Variants in CCDC171 observed in about 807,000 individuals in gnomAD.
CCDC171 encodes coiled-coil domain containing 171.
A neutral mutation model predicts 168.2 loss-of-function variants in CCDC171; 177 were observed. That is an observed-to-expected ratio of 1.05 (90% CI 0.93 to 1.19). The LOEUF (loss-of-function observed/expected upper bound fraction) is 1.19. Ranked by LOEUF, CCDC171 falls within the 50% of genes most tolerant of loss-of-function variation. The probability of loss-of-function intolerance (pLI) is 0.00; values close to 1 mark genes in which losing one functional copy is unlikely to be tolerated. For synonymous variants in CCDC171, 687 were observed against 540.8 expected (o/e 1.27, Z -3.75); for missense variants, 1,991 against 1,539.0 (o/e 1.29, Z -4.91).
chr9:15,645,354 GCTC>G (rs1462676890), intron 7 of CCDC171, among the ~76,000 whole-genome samples: 3 of 152,134 alleles, frequency 2.0e-5, no homozygotes, highest in Non-Finnish European at 4.4e-5. Context: ...AAGGAACTCA[GCTC>G]CTCCCCAGCA....
At chr9:15,707,402 A>G (rs902684618) in intron 11 of CCDC171, among the ~76,000 whole-genome samples, 2 of 152,240 alleles carry the variant, frequency 1.3e-5, no homozygotes, top group Admixed American at 6.5e-5. Flanking sequence ...TTTGATAACA[A>G]TAGAAACTCA....
chr9:15,771,683 T>G (rs2057021047), intron 18 of CCDC171, among the ~76,000 whole-genome samples: 1 of 152,252 alleles, frequency 6.6e-6, no homozygotes, highest in Non-Finnish European at 1.5e-5. Flanking sequence ...GGTAAGTTAC[T>G]GAGAAAGGCT....
intron 7 of CCDC171, among the ~76,000 whole-genome samples, chr9:15,643,514 T>G (rs1162071126): frequency 6.6e-6 from 1 of 152,212 alleles, no homozygotes; most frequent in Non-Finnish European, 1.5e-5. Context: ...TTAATTTAGG[T>G]GGCTGCCACT....
At chr9:16,005,753 G>A (rs723756) in intron 3 of CCDC171, among the ~76,000 whole-genome samples, 62,637 of 151,800 alleles carry the variant, frequency 0.41, 13,069 homozygotes, top group South Asian at 0.5. Flanking sequence ...TTTTTTATAA[G>A]GGCCTTGAGC....
chr9:15,597,577 G>T (rs1230556822), intron 6 of CCDC171, among the ~76,000 whole-genome samples: 2 of 152,124 alleles, frequency 1.3e-5, no homozygotes, highest in Non-Finnish European at 2.9e-5. Context: ...TTGCATTGAT[G>T]TTCATCAGGG....
At chr9:15,792,109 A>G (rs1269895444) in intron 21 of CCDC171, among the ~76,000 whole-genome samples, 2 of 152,212 alleles carry the variant, frequency 1.3e-5, no homozygotes, top group African/African-American at 4.8e-5. Context: ...TAGAATAACC[A>G]ATGCAGAGAA....
chr9:16,073,082 A>G, the CCDC171 span, among the ~76,000 whole-genome samples: 24 of 152,310 alleles, frequency 1.6e-4, no homozygotes, highest in Admixed American at 1.4e-3. Flanking sequence ...ATTTTTAAAA[A>G]TCTCTATTTT....
At chr9:15,568,511 C>T (rs1440691081) in intron 2 of CCDC171, among the ~76,000 whole-genome samples, 1 of 152,214 alleles carries the variant, frequency 6.6e-6, no homozygotes, top group African/African-American at 2.4e-5. Context: ...ACCTCGTGAT[C>T]CACCCGCCTT....
At chr9:15,741,834 GTTCTTGC>G (rs2054898926) in intron 16 of CCDC171, among the ~76,000 whole-genome samples, 1 of 152,138 alleles carries the variant, frequency 6.6e-6, no homozygotes, top group South Asian at 2.1e-4. Context: ...GATAGTGGGT[GTTCTTGC>G]ATTGCTCCGG....
At chr9:15,949,561 G>C (rs1371545366) in intron 25 of CCDC171, among the ~76,000 whole-genome samples, 1 of 152,100 alleles carries the variant, frequency 6.6e-6, no homozygotes, top group South Asian at 2.1e-4. Flanking sequence ...TATTCTCTTT[G>C]AAGCAATTGT....
In CCDC171 at chr9:15,783,476, T is replaced by C. The variant is rs112556986; in HGVS notation, c.3082-1033T>C. ...ATATTAATCCACCTCACATCCTTTT[T>C]TACAATGGGAAAGTTAGAATTTTTA... On this transcript the variant is annotated intron_variant, in intron 20 of 25. Transcript: ENST00000380701. 3.0e-4 allele frequency among the ~76,000 whole-genome samples: 45 copies of C among 152,294 alleles called. 4 individuals carry two copies. Among genetic ancestry groups the C allele is most frequent in the African/African-American group, 1.1e-3 (44 of 41,574 alleles).
At chr9:15,656,354 G>A (rs561023460) in intron 7 of CCDC171, among the ~76,000 whole-genome samples, 1 of 151,450 alleles carries the variant, frequency 6.6e-6, no homozygotes, top group East Asian at 1.9e-4. Context: ...ATATGTACCT[G>A]TCATTTCACC....
At chr9:15,580,533 GA>G (rs1482788796) in intron 4 of CCDC171, among the ~76,000 whole-genome samples, 1 of 151,502 alleles carries the variant, frequency 6.6e-6, no homozygotes, top group Non-Finnish European at 1.5e-5. Context: ...AAATCAGCAA[GA>G]AAAAAACAAA....
chr9:15,610,724 AT>A (rs2043622482), intron 6 of CCDC171, among the ~76,000 whole-genome samples: 1 of 151,614 alleles, frequency 6.6e-6, no homozygotes, highest in Non-Finnish European at 1.5e-5. Context: ...TACCTGGCTA[AT>A]TTTTTCTGTT....
intron 3 of CCDC171, among the ~76,000 whole-genome samples, chr9:16,015,407 C>T (rs1445732840): frequency 6.6e-6 from 1 of 152,048 alleles, no homozygotes; most frequent in Non-Finnish European, 1.5e-5. Context: ...CTATGCAGAC[C>T]ACTAAAATTA....
chr9:15,779,142 A>G lies in CCDC171; in HGVS notation c.3073A>G (p.Lys1025Glu). ...TCTGCAAATGCAATTAAATGAATTTAAGCAGTCTGTAAGTATATATCATTT... is the reference window on the plus strand; with the variant it reads ...TCTGCAAATGCAATTAAATGAATTTGAGCAGTCTGTAAGTATATATCATTT... ...QGLQMQLNEF[K>E]QSKLITHEKF... is the part of the protein sequence containing the mutation. Residue 1025 changes from lysine to glutamate, a missense_variant, in exon 20 of 26, where the codon AAG (lysine) becomes GAG (glutamate). Transcript: ENST00000380701. The G allele has an allele frequency of 1.3e-6, 2 of 1,573,470 alleles. No individual in the cohort carries two copies. The highest frequency in any genetic ancestry group is 3.4e-4 in the Middle Eastern group (2 of 5,920).
chr9:16,044,084 C>T (rs1480298650), intron 1 of CCDC171, among the ~76,000 whole-genome samples: 3 of 152,202 alleles, frequency 2.0e-5, no homozygotes, highest in Non-Finnish European at 4.4e-5. Context: ...ATGATGAGAT[C>T]GATGTGTCTC....
chr9:15,618,766 C>T (rs564261206), intron 6 of CCDC171, among the ~76,000 whole-genome samples: 12 of 152,124 alleles, frequency 7.9e-5, no homozygotes, highest in African/African-American at 2.4e-5. Context: ...GAGGGAGTTG[C>T]CCTAGCTCCT....
chr9:15,730,877 G>A (rs1401823702), intron 16 of CCDC171, among the ~76,000 whole-genome samples: 1 of 151,894 alleles, frequency 6.6e-6, no homozygotes, highest in African/African-American at 2.4e-5. Context: ...TGTAGAGGTA[G>A]CATTGATATA....
Sources: gnomAD v4.1 joint callset for allele counts (sites outside exome capture counted in the v4.1 genomes callset) on GRCh38, gnomAD v4.1.1 for gene constraint, MANE v1.5 for transcripts, NCBI Gene and HGNC (gene_info 2026-07-23, HGNC 2026-07-21) for gene names.